BTBD9: variants seen among roughly 807,000 people sequenced by gnomAD.
BTBD9 encodes the protein BTB/POZ domain-containing protein 9.
Under a neutral mutation model 64.3 loss-of-function variants are expected in BTBD9, and 49 were observed. That is an observed-to-expected ratio of 0.76 (90% CI 0.61 to 0.97). BTBD9 has a LOEUF of 0.97. BTBD9 is among the 50% of genes least tolerant of loss of function. The pLI, the probability that BTBD9 is intolerant of heterozygous loss-of-function variation, is 0.00. For missense variants in BTBD9, 598 were observed against 762.1 expected, an observed-to-expected ratio of 0.78 and a Z score of 2.53; for synonymous variants, 260 against 274.7, an observed-to-expected ratio of 0.95 and a Z score of 0.53.
intron 6 of BTBD9, among the ~76,000 whole-genome samples, chr6:38,557,377 C>A (rs923766535): frequency 6.6e-6 from 1 of 152,006 alleles, no homozygotes; most frequent in African/African-American, 2.4e-5. Flanking sequence ...AATAAAAAGA[C>A]CTTTAGAGTC....
chr6:38,474,377 G>A (rs570806890), intron 6 of BTBD9, among the ~76,000 whole-genome samples: 3 of 152,270 alleles, frequency 2.0e-5, no homozygotes, highest in East Asian at 3.9e-4. Context: ...AGAAAAATTA[G>A]CCAGGCGAGG....
intron 6 of BTBD9, among the ~76,000 whole-genome samples, chr6:38,473,367 G>A (rs1232739557): frequency 6.6e-6 from 1 of 152,152 alleles, no homozygotes; most frequent in Non-Finnish European, 1.5e-5. Context: ...GATTGGTACT[G>A]GCATGCTGAT....
intron 8 of BTBD9, among the ~76,000 whole-genome samples, chr6:38,285,716 T>C (rs897417781): frequency 5.3e-5 from 8 of 152,054 alleles, no homozygotes; most frequent in African/African-American, 1.7e-4. Context: ...AAAGAGAGTA[T>C]CTAGTCAATT....
At chr6:38,296,162 A>G (rs1361596721) in intron 7 of BTBD9, among the ~76,000 whole-genome samples, 3 of 152,176 alleles carry the variant, frequency 2.0e-5, no homozygotes, top group Non-Finnish European at 4.4e-5. Flanking sequence ...AGTAATTGTA[A>G]ATCTTAGTTA....
chr6:38,341,159 G>A (rs1338262754), intron 7 of BTBD9, among the ~76,000 whole-genome samples: 2 of 152,154 alleles, frequency 1.3e-5, no homozygotes, highest in Non-Finnish European at 2.9e-5. Context: ...GCCTAATATG[G>A]ACCTTAACTG....
rs547565200 is a variant in BTBD9, at chr6:38,506,445, C to T, written c.1154+71155G>A. On this transcript the variant is annotated intron_variant, in intron 6 of 10. Transcript: ENST00000481247. ...GATTCGGCTGTTACCCTCGTGATCC[C>T]GTGCTGGCTGAGCTGCAGGGCTTGC... 8.5e-5 allele frequency among the ~76,000 whole-genome samples: 13 copies of T among 152,304 alleles called. 1 individual carries two copies. Among genetic ancestry groups the T allele is most frequent in the East Asian group, 3.9e-4 (2 of 5,186 alleles).
Position 38,580,587 on chromosome 6 carries a change from T to C in BTBD9, c.815-150A>G, listed in dbSNP as rs144500673. 5.7e-3 allele frequency: 4,029 copies of C among 705,144 alleles called. 23 individuals are homozygous for C. The highest frequency in any genetic ancestry group is 8.1e-3 in the Non-Finnish European group (3,496 of 431,108). The allele number at this position is 705,144 out of a possible 1,614,324, so 43.7% of individuals were successfully genotyped here. ...TTTATTGGATAGAAAATACAGAACA[T>C]CTATGAGGATTAAGACACCATTCAG... On this transcript the variant is annotated intron_variant, in intron 4 of 10. Coordinates refer to ENST00000481247, the MANE Select transcript of BTBD9 (RefSeq NM_001099272.2).
At chr6:38,434,288 C>T (rs1768601446) in intron 6 of BTBD9, among the ~76,000 whole-genome samples, 1 of 152,062 alleles carries the variant, frequency 6.6e-6, no homozygotes, top group Admixed American at 6.5e-5. Context: ...AGAAAACATT[C>T]GTCATCTGTT....
At chr6:38,176,509 G>A (rs527518149) in intron 10 of BTBD9, among the ~76,000 whole-genome samples, 172 of 152,312 alleles carry the variant, frequency 1.1e-3, no homozygotes, top group African/African-American at 3.8e-3. Flanking sequence ...CTCGCCTCCT[G>A]CAGACCCCTC....
chr6:38,273,987 GCAAA>G (rs1190441650), intron 8 of BTBD9, among the ~76,000 whole-genome samples: 2 of 152,212 alleles, frequency 1.3e-5, no homozygotes, highest in Non-Finnish European at 2.9e-5. Flanking sequence ...TCTGAGTGCT[GCAAA>G]CAGACTAATC....
intron 7 of BTBD9, among the ~76,000 whole-genome samples, chr6:38,331,034 ATGAC>A: frequency 6.6e-6 from 1 of 152,226 alleles, no homozygotes; most frequent in East Asian, 1.9e-4. Context: ...GACAAAAAAA[ATGAC>A]TGATAGGAAT....
At chr6:38,193,305 G>C (rs1275777117) in intron 9 of BTBD9, among the ~76,000 whole-genome samples, 1 of 152,146 alleles carries the variant, frequency 6.6e-6, no homozygotes, top group African/African-American at 2.4e-5. Flanking sequence ...ACTTGGGCTG[G>C]GGCAGTGGGG....
chr6:38,411,341 A>G (rs1415720682), intron 6 of BTBD9, among the ~76,000 whole-genome samples: 1 of 152,222 alleles, frequency 6.6e-6, no homozygotes, highest in East Asian at 1.9e-4. Context: ...GTATTGGCAC[A>G]TGAATCGACT....
intron 6 of BTBD9, among the ~76,000 whole-genome samples, chr6:38,551,800 A>G (rs1231949423): frequency 1.3e-5 from 2 of 152,246 alleles, no homozygotes; most frequent in African/African-American, 4.8e-5. Context: ...TTAGGATCAC[A>G]GCAATGTGGA....
At chr6:38,336,599 G>A (rs943206345) in intron 7 of BTBD9, among the ~76,000 whole-genome samples, 22 of 152,138 alleles carry the variant, frequency 1.4e-4, no homozygotes, top group Middle Eastern at 6.8e-3. Flanking sequence ...ACCTCCCACC[G>A]GGTCCCTCCC....
At chr6:38,578,121 C>G (rs1370867736) in intron 5 of BTBD9, among the ~76,000 whole-genome samples, 1 of 152,068 alleles carries the variant, frequency 6.6e-6, no homozygotes, top group African/African-American at 2.4e-5. Context: ...AATGGAGAAG[C>G]AGGAAGTATG....
Position 38,415,557 on chromosome 6 carries a change from C to T in BTBD9, c.1155-70464G>A, listed in dbSNP as rs143919891. 9.9e-4 allele frequency among the ~76,000 whole-genome samples: 151 copies of T among 152,230 alleles called. 2 individuals are homozygous for T. The East Asian group carries it at 0.015, about 15-fold the overall frequency. On this transcript the variant is annotated intron_variant, in intron 6 of 10. Transcript: ENST00000481247. ...AATTATTTCGTGTTGTTTTAAGCCA[C>T]GAAGTCTGTGGTAATTTGTTACAAC...
At chr6:38,387,941 T>C (rs983862781) in intron 6 of BTBD9, among the ~76,000 whole-genome samples, 1 of 152,180 alleles carries the variant, frequency 6.6e-6, no homozygotes, top group African/African-American at 2.4e-5. Flanking sequence ...CTAGGTAGCA[T>C]CAATTTGAAA....
intron 8 of BTBD9, among the ~76,000 whole-genome samples, chr6:38,267,603 C>G (rs1765055529): frequency 6.6e-6 from 1 of 152,224 alleles, no homozygotes; most frequent in Admixed American, 6.5e-5. Flanking sequence ...CTTGGTATTT[C>G]CCAGCACAAT....
Sources: gnomAD v4.1 joint callset for allele counts (sites outside exome capture counted in the v4.1 genomes callset) on GRCh38, gnomAD v4.1.1 for gene constraint, MANE v1.5 for transcripts, NCBI Gene and HGNC (gene_info 2026-07-23, HGNC 2026-07-21) for gene names.